The following WASL variants were observed in gnomAD, a reference collection of about 807,000 sequenced individuals.
WASL encodes the protein actin nucleation-promoting factor WASL.
WASL carries 20 observed loss-of-function variants against 55.5 expected under a neutral mutation model. The observed-to-expected ratio is 0.36, with a 90% CI of 0.25 to 0.52. The LOEUF (loss-of-function observed/expected upper bound fraction) is 0.52. WASL is among the 20% of genes least tolerant of loss of function. The pLI is 0.92. For missense variants in WASL, 504 were observed against 622.5 expected (o/e 0.81, Z 2.03); for synonymous variants, 249 against 217.6 (o/e 1.14, Z -1.27).
chr7:123,687,987 T>C (rs1406021078), intron 10 of WASL, among the ~76,000 whole-genome samples: 1 of 152,194 alleles, frequency 6.6e-6, no homozygotes, highest in Non-Finnish European at 1.5e-5. Context: ...CACATCTATA[T>C]GTTTTGTGAG....
Position 123,706,637 on chromosome 7 carries a change from C to T in WASL, c.339+103G>A, listed in dbSNP as rs534300766. On this transcript the variant is annotated intron_variant, in intron 3 of 10. Coordinates refer to ENST00000223023, the MANE Select transcript of WASL (RefSeq NM_003941.4). The stretch of plus-strand genomic sequence containing the variant: ...CATCTTCAGCAAAAAAATAAAATAG[C>T]AAATTGAATTTGATCTTTCAATAAG... The T allele has an allele frequency of 3.4e-5, 33 of 964,346 alleles. No individual in the cohort carries two copies. The African/African-American group carries it at 4.4e-4, about 13-fold the overall frequency. 59.7% of individuals were successfully genotyped at this position (964,346 alleles called of 1,614,324 possible).
chr7:123,738,237 T>C (rs543088109), intron 1 of WASL, among the ~76,000 whole-genome samples: 7 of 152,012 alleles, frequency 4.6e-5, no homozygotes, highest in Non-Finnish European at 1.0e-4. Flanking sequence ...GCAACAGATA[T>C]AAACATGGAA....
intron 1 of WASL, among the ~76,000 whole-genome samples, chr7:123,743,762 T>A (rs528149027): frequency 3.2e-4 from 48 of 152,336 alleles, no homozygotes; most frequent in African/African-American, 1.1e-3. Context: ...TTTGAAATCC[T>A]TGACTAAGCC....
chr7:123,719,586 C>CAG (rs1325276132), intron 1 of WASL, among the ~76,000 whole-genome samples: 1 of 152,176 alleles, frequency 6.6e-6, no homozygotes, highest in Non-Finnish European at 1.5e-5. Flanking sequence ...GCTCAGCTAT[C>CAG]AGCAGACCCT....
rs1409496589 is a variant in WASL, at chr7:123,692,831, G to A, written c.863C>T (p.Pro288Leu). ...GTTGTGTGGAGGGGGAGGAGGAGGA[G>A]GTGGCCCTCCCCTTGATGGTGGTGG... ...PPPPPSRGGPPPPPPPPHNSG... is the reference protein window; with the variant it reads ...PPPPPSRGGPLPPPPPPHNSG... Residue 288 changes from proline (P) to leucine (L), a missense_variant, in exon 9 of 11, where the codon CCT becomes CTT. Physicochemically the swap from Pro to Leu is moderately conservative, Grantham distance 98. Transcript: ENST00000223023. The A allele has an allele frequency of 7.2e-7, 1 of 1,394,602 alleles. No homozygotes were observed. Among genetic ancestry groups the A allele is most frequent in the East Asian group, 2.6e-5 (1 of 38,668 alleles). 86.4% of individuals were successfully genotyped at this position (1,394,602 alleles called of 1,614,324 possible).
chr7:123,722,239 A>G (rs1331832965), intron 1 of WASL, among the ~76,000 whole-genome samples: 1 of 152,238 alleles, frequency 6.6e-6, no homozygotes, highest in African/African-American at 2.4e-5. Context: ...AATGCTCTGG[A>G]AAGTCCTAGG....
intron 1 of WASL, 135 bp downstream of exon 1, chr7:123,748,483 C>A: frequency 1.3e-6 from 1 of 797,462 alleles, no homozygotes; most frequent in Non-Finnish European, 1.8e-6. Context: ...GACGAGGGGC[C>A]GGGGCCGGGG....
intron 1 of WASL, among the ~76,000 whole-genome samples, chr7:123,739,908 GTGTGTGTATA>G (rs765936801): frequency 0.043 from 1,237 of 28,784 alleles, 10 homozygotes; most frequent in African/African-American, 0.11. Context: ...GTGTGTGTGT[GTGTGTGTATA>G]TATATATATA....
At chr7:123,731,383 C>T (rs962017923) in intron 1 of WASL, among the ~76,000 whole-genome samples, 3 of 152,062 alleles carry the variant, frequency 2.0e-5, no homozygotes, top group Non-Finnish European at 2.9e-5. Context: ...TTCAACACTC[C>T]TCTATCAGTG....
chr7:123,748,554 C>T (rs895851903), intron 1 of WASL, 64 bp downstream of exon 1: 11 of 1,564,106 alleles, frequency 7.0e-6, no homozygotes, highest in African/African-American at 5.5e-5. Flanking sequence ...TCCCACTTCC[C>T]GGCCCCCAAG....
chr7:123,687,383 C>A (rs1379099954), intron 10 of WASL, among the ~76,000 whole-genome samples: 1 of 152,104 alleles, frequency 6.6e-6, no homozygotes, highest in Non-Finnish European at 1.5e-5. Context: ...TCTTGTATTT[C>A]ATTCCTTACT....
chr7:123,717,932 A>C (rs902615831), intron 1 of WASL, among the ~76,000 whole-genome samples: 1 of 152,220 alleles, frequency 6.6e-6, no homozygotes, highest in African/African-American at 2.4e-5. Context: ...AAAAACAAGC[A>C]GGCTGAATTT....
chr7:123,737,676 A>G (rs1317203213), intron 1 of WASL, among the ~76,000 whole-genome samples: 1 of 151,690 alleles, frequency 6.6e-6, no homozygotes, highest in African/African-American at 2.4e-5. Context: ...CTAGCCATTT[A>G]TAAAAATAAA....
At chr7:123,692,247 G>A (rs1341962802) in intron 9 of WASL, 100 bp downstream of exon 9, 1 of 1,431,482 alleles carries the variant, frequency 7.0e-7, no homozygotes, top group Non-Finnish European at 9.3e-7. Context: ...ATTAGCAAGA[G>A]GAAAAAAGAA....
At chr7:123,720,141 G>A (rs1056699469) in intron 1 of WASL, among the ~76,000 whole-genome samples, 1 of 152,088 alleles carries the variant, frequency 6.6e-6, no homozygotes, top group African/African-American at 2.4e-5. Context: ...TCAGTAACGT[G>A]TTTGATCTAT....
chr7:123,714,736 A>T (rs1201492562), intron 1 of WASL, among the ~76,000 whole-genome samples: 1 of 152,238 alleles, frequency 6.6e-6, no homozygotes, highest in African/African-American at 2.4e-5. Context: ...TAAAACATCT[A>T]GTTAATAAAG....
chr7:123,689,446 G>C (rs1803358031), intron 9 of WASL, among the ~76,000 whole-genome samples: 1 of 152,092 alleles, frequency 6.6e-6, no homozygotes, highest in South Asian at 2.1e-4. Flanking sequence ...GGTTACTTCT[G>C]TTTATTCCAG....
intron 1 of WASL, among the ~76,000 whole-genome samples, chr7:123,733,340 G>A (rs1804172186): frequency 6.6e-6 from 1 of 152,132 alleles, no homozygotes; most frequent in Non-Finnish European, 1.5e-5. Context: ...AATATGCAAA[G>A]TCAACTGCTT....
chr7:123,705,641 G>C (rs1027330031), intron 4 of WASL, among the ~76,000 whole-genome samples: 3 of 152,142 alleles, frequency 2.0e-5, no homozygotes, highest in Admixed American at 2.0e-4. Flanking sequence ...CTGGTTCACT[G>C]TTGTCAAGTA....
Sources: gnomAD v4.1 joint callset for allele counts (sites outside exome capture counted in the v4.1 genomes callset) on GRCh38, gnomAD v4.1.1 for gene constraint, MANE v1.5 for transcripts, NCBI Gene and HGNC (gene_info 2026-07-23, HGNC 2026-07-21) for gene names.